MAGI2: variants seen among roughly 807,000 people sequenced by gnomAD.
The protein encoded by MAGI2 is membrane associated guanylate kinase, WW and PDZ domain containing 2, also known as membrane-associated guanylate kinase, WW and PDZ domain-containing protein 2.
MAGI2 carries 35 observed loss-of-function variants against 133.3 expected under a neutral mutation model. The observed-to-expected ratio is 0.26, with a 90% CI of 0.20 to 0.35. The LOEUF is 0.35. Among genes scored for constraint, MAGI2 ranks in the 10% least tolerant of loss-of-function variants. MAGI2 has a pLI of 1.00. For synonymous variants in MAGI2, 729 were observed against 710.6 expected (o/e 1.03, Z -0.41); for missense variants, 1,636 against 1,863.4 (o/e 0.88, Z 2.25).
intron 2 of MAGI2, among the ~76,000 whole-genome samples, chr7:78,938,133 A>G (rs550108628): frequency 1.3e-5 from 2 of 152,260 alleles, no homozygotes; most frequent in East Asian, 3.9e-4. Flanking sequence ...AAAAATTACC[A>G]TTTAATCAGA....
At chr7:78,247,134 C>T (rs897309422) in intron 10 of MAGI2, among the ~76,000 whole-genome samples, 3 of 152,154 alleles carry the variant, frequency 2.0e-5, no homozygotes, top group Non-Finnish European at 2.9e-5. Context: ...TTAGACCCAA[C>T]ACCAAGAGGG....
intron 9 of MAGI2, among the ~76,000 whole-genome samples, chr7:78,276,429 G>C (rs1795062040): frequency 6.6e-6 from 1 of 152,016 alleles, no homozygotes; most frequent in Admixed American, 6.6e-5. Flanking sequence ...TACTTGCTTA[G>C]TGGGGAAAGA....
chr7:79,238,791 T>C (rs1832145264), intron 1 of MAGI2, among the ~76,000 whole-genome samples: 1 of 152,134 alleles, frequency 6.6e-6, no homozygotes, highest in South Asian at 2.1e-4. Context: ...TGATAAGAAC[T>C]CATAATAGTA....
At chr7:79,322,588 C>G (rs531523017) in intron 1 of MAGI2, among the ~76,000 whole-genome samples, 2 of 151,912 alleles carry the variant, frequency 1.3e-5, no homozygotes, top group Non-Finnish European at 2.9e-5. Context: ...GAGTTTGAGA[C>G]CAGCCTGGTC....
At chr7:78,427,304 G>C (rs556738993) in intron 6 of MAGI2, among the ~76,000 whole-genome samples, 2 of 152,020 alleles carry the variant, frequency 1.3e-5, no homozygotes, top group South Asian at 4.2e-4. Context: ...ATATTACCAG[G>C]CTGGATAAAA....
In MAGI2 at chr7:79,336,207, T is replaced by G. The variant is rs1015667133; in HGVS notation, c.301+116813A>C. Among the ~76,000 whole-genome samples the G allele has an allele frequency of 7.9e-5, 12 of 152,112 alleles. 2 individuals are homozygous for G. The highest frequency in any genetic ancestry group is 2.9e-4 in the African/African-American group (12 of 41,440). On this transcript the variant is annotated intron_variant, in intron 1 of 21. Coordinates refer to ENST00000354212, the MANE Select transcript of MAGI2 (RefSeq NM_012301.4). ...GATAGATTTATCATGAAGCTACTATTCTGTATCCATTTAGGACACAGGTGA... is the reference window on the plus strand; with the variant it reads ...GATAGATTTATCATGAAGCTACTATGCTGTATCCATTTAGGACACAGGTGA...
chr7:79,033,935 A>G (rs1294846828), intron 1 of MAGI2, among the ~76,000 whole-genome samples: 1 of 151,480 alleles, frequency 6.6e-6, no homozygotes, highest in African/African-American at 2.4e-5. Flanking sequence ...AACGAAAACT[A>G]CTAGGAACTT....
At chr7:79,434,798 T>C (rs915706711) in intron 1 of MAGI2, among the ~76,000 whole-genome samples, 1 of 152,208 alleles carries the variant, frequency 6.6e-6, no homozygotes, top group Non-Finnish European at 1.5e-5. Context: ...GGTCAAGCAT[T>C]ATTCTGGGTG....
Position 79,123,785 on chromosome 7 carries a change from CAAAA to C in MAGI2, c.302-116583_302-116580del, listed in dbSNP as rs71095377. On this transcript the variant is annotated intron_variant, in intron 1 of 21. Transcript: ENST00000354212. ...TGGGCGACAGAGTGAGACTCCATCTCAAAAAAAAAAAAAAAAAAAAAAGAGATAA... is the reference window on the plus strand; with the variant it reads ...TGGGCGACAGAGTGAGACTCCATCTCAAAAAAAAAAAAAAAAAAGAGATAA... Among the ~76,000 whole-genome samples the C allele has an allele frequency of 6.7e-3, 410 of 60,754 alleles. 1 individual carries two copies. The highest frequency in any genetic ancestry group is 0.026 in the African/African-American group (386 of 14,640). 39.9% of individuals were successfully genotyped at this position (60,754 alleles called of 152,430 possible).
intron 1 of MAGI2, among the ~76,000 whole-genome samples, chr7:79,419,551 T>C (rs1472386834): frequency 6.6e-6 from 1 of 152,036 alleles, no homozygotes; most frequent in Non-Finnish European, 1.5e-5. Context: ...CCCATAGCTG[T>C]TTTGGCTCAA....
intron 1 of MAGI2, among the ~76,000 whole-genome samples, chr7:79,115,173 G>A (rs1367248523): frequency 6.6e-6 from 1 of 152,010 alleles, no homozygotes; most frequent in Non-Finnish European, 1.5e-5. Flanking sequence ...AGAATTCCTG[G>A]GCCAGAAAAC....
intron 1 of MAGI2, among the ~76,000 whole-genome samples, chr7:79,019,784 A>C (rs1434506569): frequency 1.3e-5 from 2 of 152,096 alleles, no homozygotes; most frequent in Non-Finnish European, 2.9e-5. Flanking sequence ...ACCTCAGGTG[A>C]TCCACCTGCC....
In MAGI2 at chr7:78,446,865, C is replaced by T. The variant is rs146892390; in HGVS notation, c.1045+42896G>A. On this transcript the variant is annotated intron_variant, in intron 6 of 21. Coordinates refer to ENST00000354212, the MANE Select transcript of MAGI2 (RefSeq NM_012301.4). ...AACCAGGCTACAACCATATATCAGC[C>T]GAAGAGTTACTAAACCCATCTAAGT... Among the ~76,000 whole-genome samples the T allele has an allele frequency of 2.2e-3, 339 of 152,100 alleles. 2 individuals are homozygous for T. Among genetic ancestry groups the T allele is most frequent in the African/African-American group, 7.9e-3 (329 of 41,514 alleles).
chr7:78,914,729 AG>A (rs1563658081), intron 2 of MAGI2, among the ~76,000 whole-genome samples: 1 of 152,174 alleles, frequency 6.6e-6, no homozygotes. Context: ...AAAACAGAGA[AG>A]ACAGAGGAGT....
intron 1 of MAGI2, among the ~76,000 whole-genome samples, chr7:79,136,068 GGAAAGAAA>G (rs368094018): frequency 0.14 from 13,066 of 94,200 alleles, 922 homozygotes; most frequent in Middle Eastern, 0.16. Flanking sequence ...AAAGAAAGAA[GGAAAGAAA>G]GAAAGAAAGA....
chr7:78,906,891 T>G (rs12705833), intron 2 of MAGI2, among the ~76,000 whole-genome samples: 82,795 of 151,874 alleles, frequency 0.55, 22,954 homozygotes, highest in East Asian at 0.8. Context: ...AGTAATGGCA[T>G]TAATTGCTTT....
At chr7:79,035,175 T>C (rs1450007659) in intron 1 of MAGI2, among the ~76,000 whole-genome samples, 2 of 125,894 alleles carry the variant, frequency 1.6e-5, no homozygotes, top group Non-Finnish European at 3.2e-5. Context: ...AATCAGTGCA[T>C]TCCCACAAAA....
At chr7:78,297,932 A>C (rs1415817665) in intron 9 of MAGI2, among the ~76,000 whole-genome samples, 1 of 150,636 alleles carries the variant, frequency 6.6e-6, no homozygotes, top group African/African-American at 2.5e-5. Flanking sequence ...ACATGTATAC[A>C]TATGTAACTA....
intron 2 of MAGI2, among the ~76,000 whole-genome samples, chr7:78,645,936 G>A (rs553202035): frequency 2.0e-5 from 3 of 151,976 alleles, no homozygotes; most frequent in East Asian, 1.9e-4. Flanking sequence ...ATGGTATTTC[G>A]CCATGTTGGC....
Sources: allele counts gnomAD v4.1 joint callset (sites outside exome capture counted in the v4.1 genomes callset), GRCh38; gene constraint gnomAD v4.1.1; transcripts MANE v1.5; gene names NCBI Gene and HGNC (gene_info 2026-07-23, HGNC 2026-07-21).